Variants in ITGA8 observed in about 807,000 individuals in gnomAD.
ITGA8 encodes the protein integrin alpha-8.
A neutral mutation model predicts 142.3 loss-of-function variants in ITGA8; 91 were observed. The ratio of observed to expected loss-of-function variants is 0.64; its 90% CI spans 0.54 to 0.76. The LOEUF (loss-of-function observed/expected upper bound fraction) is 0.76, where lower values mean the gene tolerates loss of function less well. ITGA8 is among the 30% of genes least tolerant of loss of function. ITGA8 has a pLI of 0.00. For synonymous variants in ITGA8, 505 were observed against 485.2 expected (o/e 1.04, Z -0.54); for missense variants, 1,406 against 1,327.7 (o/e 1.06, Z -0.92).
chr10:15,618,692 T>C (rs1833438075), intron 13 of ITGA8, among the ~76,000 whole-genome samples: 1 of 152,130 alleles, frequency 6.6e-6, no homozygotes, highest in African/African-American at 2.4e-5. Flanking sequence ...ACTAGATTGG[T>C]TCAGTCTTTT....
chr10:15,577,953 A>G (rs183259697), intron 23 of ITGA8, among the ~76,000 whole-genome samples: 10 of 152,176 alleles, frequency 6.6e-5, no homozygotes, highest in Middle Eastern at 3.2e-3. Context: ...TAGTTTTTTT[A>G]AAATTAAACC....
intron 2 of ITGA8, among the ~76,000 whole-genome samples, chr10:15,718,431 C>A (rs1449488724): frequency 6.6e-6 from 1 of 152,132 alleles, no homozygotes; most frequent in Non-Finnish European, 1.5e-5. Flanking sequence ...ATTCTCTCCA[C>A]AGTCAAAGTT....
intron 25 of ITGA8, among the ~76,000 whole-genome samples, chr10:15,560,241 T>C (rs999366715): frequency 6.6e-6 from 1 of 152,058 alleles, no homozygotes; most frequent in Non-Finnish European, 1.5e-5. Context: ...ATCATGCCAC[T>C]GAATTCTCAG....
intron 28 of ITGA8, among the ~76,000 whole-genome samples, chr10:15,529,275 G>T (rs73598716): frequency 0.065 from 9,858 of 152,162 alleles, 1,015 homozygotes; most frequent in African/African-American, 0.22. Context: ...ATTTTGAGAG[G>T]CTACTCTCAT....
chr10:15,565,671 C>T (rs1834065866), intron 25 of ITGA8, among the ~76,000 whole-genome samples: 1 of 137,804 alleles, frequency 7.3e-6, no homozygotes, highest in South Asian at 2.4e-4. Context: ...CTCTCTGCAA[C>T]CTCTGTCTCC....
intron 4 of ITGA8, among the ~76,000 whole-genome samples, chr10:15,679,204 T>G (rs1440523762): frequency 6.6e-6 from 1 of 152,236 alleles, no homozygotes; most frequent in Non-Finnish European, 1.5e-5. Context: ...GAAGGGGCAG[T>G]GCAAGATGAC....
rs1835400972 is a variant in ITGA8 at position 15,713,695 on chromosome 10, G to T, written c.343+5071C>A. 2.0e-5 allele frequency among the ~76,000 whole-genome samples: 3 copies of T among 152,056 alleles called. No homozygotes were observed. In the South Asian group the frequency reaches 6.2e-4, roughly 32 times the overall value. Reference sequence around the variant, plus strand: ...CAACCCTAAGCCAGTTGCAGAACCAGATGCTTTAAGCTGCTTCTCATTGTG... The same window carrying T: ...CAACCCTAAGCCAGTTGCAGAACCATATGCTTTAAGCTGCTTCTCATTGTG... On this transcript the variant is annotated intron_variant, in intron 2 of 29. Coordinates refer to ENST00000378076, the MANE Select transcript of ITGA8 (RefSeq NM_003638.3).
intron 21 of ITGA8, among the ~76,000 whole-genome samples, chr10:15,594,132 G>A (rs1832974499): frequency 6.6e-6 from 1 of 151,938 alleles, no homozygotes; most frequent in Admixed American, 6.6e-5. Flanking sequence ...GAGCCAAAGG[G>A]CCCGGCCGGA....
intron 18 of ITGA8, 104 bp downstream of exon 18, chr10:15,606,181 C>T: frequency 1.0e-6 from 1 of 960,546 alleles, no homozygotes; most frequent in Admixed American, 2.4e-5. Flanking sequence ...TGTCTGCATG[C>T]AGAAGTAAAA....
rs148999413 is a variant in ITGA8, at chr10:15,630,702, A to G, written c.1399+13328T>C. Among the ~76,000 whole-genome samples the G allele has an allele frequency of 1.6e-4, 25 of 152,160 alleles. No individual in the cohort carries two copies. In the East Asian group the frequency reaches 4.8e-3, roughly 29 times the overall value. ...GACCTGAAAATATGGCTTCCGATTTACATATTAGTAAATTCAAAGTGACAT... is the reference window on the plus strand; with the variant it reads ...GACCTGAAAATATGGCTTCCGATTTGCATATTAGTAAATTCAAAGTGACAT... On this transcript the variant is annotated intron_variant, in intron 13 of 29. Transcript: ENST00000378076.
chr10:15,630,446 T>C (rs940309757), intron 13 of ITGA8, among the ~76,000 whole-genome samples: 1 of 152,066 alleles, frequency 6.6e-6, no homozygotes, highest in Non-Finnish European at 1.5e-5. Context: ...CCACTCCCAG[T>C]CTCAACTAAT....
chr10:15,533,175 A>C (rs566857409), intron 27 of ITGA8, among the ~76,000 whole-genome samples: 36 of 152,216 alleles, frequency 2.4e-4, no homozygotes, highest in African/African-American at 8.4e-4. Flanking sequence ...CTGTGGCAGA[A>C]TTTTTTTCTC....
At chr10:15,613,618 G>A (rs1184622715) in intron 15 of ITGA8, 42 bp downstream of exon 15, 1 of 1,284,240 alleles carries the variant, frequency 7.8e-7, no homozygotes, top group Non-Finnish European at 1.1e-6. Context: ...CCCAGGTGAT[G>A]TGAATTCACA....
chr10:15,678,661 AGG>A, intron 5 of ITGA8, 59 bp downstream of exon 5: 1 of 1,117,954 alleles, frequency 8.9e-7, no homozygotes, highest in Non-Finnish European at 1.4e-6. Flanking sequence ...TGGGAGTGAG[AGG>A]CAGAGGGTAA....
At chr10:15,586,926 C>CTTTT (rs59409474) in intron 22 of ITGA8, among the ~76,000 whole-genome samples, 27 of 144,284 alleles carry the variant, frequency 1.9e-4, no homozygotes, top group Non-Finnish European at 3.8e-4. Context: ...GAAACTAACA[C>CTTTT]TTTTTTTTTT....
chr10:15,519,531 C>A, intron 28 of ITGA8, 119 bp from the exon 29 acceptor site: 3 of 1,050,506 alleles, frequency 2.9e-6, no homozygotes, highest in Non-Finnish European at 4.3e-6. Context: ...CAATTGAAAT[C>A]ATCTAGGGGA....
At chr10:15,620,921 G>A (rs1833479719) in intron 13 of ITGA8, among the ~76,000 whole-genome samples, 1 of 152,168 alleles carries the variant, frequency 6.6e-6, no homozygotes, top group Non-Finnish European at 1.5e-5. Context: ...ATAATACTCA[G>A]AAATAATATT....
At chr10:15,571,696 G>T (rs1155025) in intron 25 of ITGA8, among the ~76,000 whole-genome samples, 29,479 of 152,050 alleles carry the variant, frequency 0.19, 4,168 homozygotes, top group East Asian at 0.38. Flanking sequence ...TGAAAAGCAC[G>T]GCTCTAGGCT....
At chr10:15,581,596 C>T (rs1834407736) in intron 23 of ITGA8, among the ~76,000 whole-genome samples, 1 of 152,120 alleles carries the variant, frequency 6.6e-6, no homozygotes, top group Non-Finnish European at 1.5e-5. Flanking sequence ...GGACTGTCCC[C>T]TCTAACTTTA....
Sources: allele counts gnomAD v4.1 joint callset (sites outside exome capture counted in the v4.1 genomes callset), GRCh38; gene constraint gnomAD v4.1.1; transcripts MANE v1.5; gene names NCBI Gene and HGNC (gene_info 2026-07-23, HGNC 2026-07-21).